CHCHD6: variants seen among roughly 807,000 people sequenced by gnomAD.
CHCHD6 encodes MICOS complex subunit MIC25.
Under a neutral mutation model 32.3 loss-of-function variants are expected in CHCHD6, and 28 were observed. That is an observed-to-expected ratio of 0.87 (90% CI 0.64 to 1.19). The LOEUF is 1.19. Among genes scored for constraint, CHCHD6 ranks in the 50% most tolerant of loss-of-function variants. CHCHD6 has a pLI of 0.00. For synonymous variants in CHCHD6, 122 were observed against 117.5 expected (o/e 1.04, Z -0.25); for missense variants, 333 against 307.0 (o/e 1.08, Z -0.63).
At chr3:126,855,252 G>A (rs941805253) in intron 5 of CHCHD6, among the ~76,000 whole-genome samples, 3 of 152,184 alleles carry the variant, frequency 2.0e-5, no homozygotes, top group African/African-American at 7.2e-5. Flanking sequence ...TGGTGTAACT[G>A]ATGGAGTGTG....
chr3:126,744,763 C>A (rs918425398), intron 4 of CHCHD6, among the ~76,000 whole-genome samples: 3 of 152,180 alleles, frequency 2.0e-5, no homozygotes, highest in African/African-American at 7.2e-5. Context: ...TCTCAGCTCA[C>A]TGCAACCTCC....
chr3:126,720,809 C>T lies in CHCHD6; in HGVS notation c.88-6269C>T, dbSNP rs115015103. Among the ~76,000 whole-genome samples the T allele has an allele frequency of 3.1e-3, 474 of 152,298 alleles. 4 individuals are homozygous for T. The highest frequency in any genetic ancestry group is 0.011 in the African/African-American group (444 of 41,564). ...CAGCCTGGTGTCCTGTTTCCACCCTCAGCATGTGGCTAAGTGCTTACTGGG... is the reference window on the plus strand; with the variant it reads ...CAGCCTGGTGTCCTGTTTCCACCCTTAGCATGTGGCTAAGTGCTTACTGGG... On this transcript the variant is annotated intron_variant, in intron 1 of 7. Transcript: ENST00000290913.
At chr3:126,773,409 C>G (rs1317076189) in intron 4 of CHCHD6, among the ~76,000 whole-genome samples, 2 of 152,114 alleles carry the variant, frequency 1.3e-5, no homozygotes, top group Non-Finnish European at 2.9e-5. Context: ...AACCAAGGAC[C>G]AGAGTCTCAC....
At chr3:126,788,683 A>C (rs983389665) in intron 4 of CHCHD6, among the ~76,000 whole-genome samples, 1 of 151,844 alleles carries the variant, frequency 6.6e-6, no homozygotes, top group Non-Finnish European at 1.5e-5. Flanking sequence ...CCCCTTTATA[A>C]TTTTTTTATT....
At chr3:126,849,700 T>TAGA (rs1941406395) in intron 4 of CHCHD6, among the ~76,000 whole-genome samples, 1 of 152,238 alleles carries the variant, frequency 6.6e-6, no homozygotes. Context: ...CTTATGGTCT[T>TAGA]CCCAGCACAT....
In CHCHD6 at chr3:126,799,110, C is replaced by T. The variant is rs566331281; in HGVS notation, c.412-53537C>T. ...AACATTGTGGTTTATTTCCCATTTC[C>T]TGGAGCACAGCTTCCTTAAAGGCAG... is the stretch of plus-strand genomic sequence containing the variant. On this transcript the variant is annotated intron_variant, in intron 4 of 7. Transcript: ENST00000290913. Among the ~76,000 whole-genome samples the T allele has an allele frequency of 6.6e-5, 10 of 152,298 alleles. No individual in the cohort carries two copies. The South Asian group carries it at 1.9e-3, about 28-fold the overall frequency.
chr3:126,789,993 T>G (rs529106922), intron 4 of CHCHD6, among the ~76,000 whole-genome samples: 4,468 of 152,274 alleles, frequency 0.029, 96 homozygotes, highest in Non-Finnish European at 0.039. Context: ...TAGTGCTTGC[T>G]TCAGGAGCTC....
intron 4 of CHCHD6, among the ~76,000 whole-genome samples, chr3:126,845,833 A>C (rs1335088857): frequency 6.6e-6 from 1 of 152,202 alleles, no homozygotes; most frequent in Non-Finnish European, 1.5e-5. Flanking sequence ...AAACTGGTAG[A>C]ATAAGGGTCT....
intron 6 of CHCHD6, among the ~76,000 whole-genome samples, chr3:126,924,300 C>A (rs569405436): frequency 6.6e-6 from 1 of 152,214 alleles, no homozygotes; most frequent in Non-Finnish European, 1.5e-5. Flanking sequence ...ATGTTCCTGA[C>A]GGGAGATAAT....
At chr3:126,891,840 G>A (rs2077764509) in intron 5 of CHCHD6, among the ~76,000 whole-genome samples, 1 of 152,150 alleles carries the variant, frequency 6.6e-6, no homozygotes, top group Non-Finnish European at 1.5e-5. Flanking sequence ...GGAGAGAGAA[G>A]AAAGGCTGGT....
chr3:126,794,873 G>A (rs1445499670), intron 4 of CHCHD6, among the ~76,000 whole-genome samples: 1 of 152,158 alleles, frequency 6.6e-6, no homozygotes, highest in African/African-American at 2.4e-5. Flanking sequence ...CTAGGACAAT[G>A]CTCAGTAAAC....
intron 4 of CHCHD6, among the ~76,000 whole-genome samples, chr3:126,753,796 T>A (rs1214929126): frequency 6.6e-6 from 1 of 152,148 alleles, no homozygotes; most frequent in African/African-American, 2.4e-5. Context: ...TGGGTGGCAG[T>A]GGGCACCAAG....
intron 1 of CHCHD6, among the ~76,000 whole-genome samples, chr3:126,718,781 G>A (rs575528337): frequency 1.9e-4 from 29 of 152,338 alleles, no homozygotes; most frequent in African/African-American, 7.0e-4. Context: ...ACGCAGCCCC[G>A]TCTGGCTCCG....
At chr3:126,890,173 G>A (rs1420097739) in intron 5 of CHCHD6, among the ~76,000 whole-genome samples, 1 of 152,256 alleles carries the variant, frequency 6.6e-6, no homozygotes, top group African/African-American at 2.4e-5. Flanking sequence ...GCGGCTGAGA[G>A]GAGTCTTGCT....
intron 1 of CHCHD6, among the ~76,000 whole-genome samples, chr3:126,719,406 C>T (rs1254562379): frequency 6.6e-6 from 1 of 152,216 alleles, no homozygotes; most frequent in Non-Finnish European, 1.5e-5. Context: ...CTGCATGCTG[C>T]CATCACTTTA....
chr3:126,836,729 C>T (rs551274864), intron 4 of CHCHD6, among the ~76,000 whole-genome samples: 4 of 152,278 alleles, frequency 2.6e-5, no homozygotes, highest in Admixed American at 1.3e-4. Flanking sequence ...TGCAGGGATA[C>T]GGAGGTGCTG....
At chr3:126,747,896 G>A (rs1936568022) in intron 4 of CHCHD6, among the ~76,000 whole-genome samples, 2 of 152,182 alleles carry the variant, frequency 1.3e-5, no homozygotes, top group Non-Finnish European at 1.5e-5. Flanking sequence ...TTCTCATGCA[G>A]TTCGTGCTCT....
chr3:126,804,851 C>T (rs1473673175), intron 4 of CHCHD6, among the ~76,000 whole-genome samples: 1 of 152,106 alleles, frequency 6.6e-6, no homozygotes, highest in Non-Finnish European at 1.5e-5. Context: ...GCTTATCCAC[C>T]GTGATCAAGT....
At chr3:126,959,941 G>A (rs2078836066) in intron 7 of CHCHD6, among the ~76,000 whole-genome samples, 1 of 152,222 alleles carries the variant, frequency 6.6e-6, no homozygotes. Context: ...GCCAGCCCTG[G>A]GAGAGTAAAG....
Sources: gnomAD v4.1 joint callset for allele counts (sites outside exome capture counted in the v4.1 genomes callset) on GRCh38, gnomAD v4.1.1 for gene constraint, MANE v1.5 for transcripts, NCBI Gene and HGNC (gene_info 2026-07-23, HGNC 2026-07-21) for gene names.